PRDM10: variants seen among roughly 807,000 people sequenced by gnomAD.
PRDM10 encodes PR/SET domain 10.
Under a neutral mutation model 133.1 loss-of-function variants are expected in PRDM10, and 65 were observed. The ratio of observed to expected loss-of-function variants is 0.49; its 90% CI spans 0.40 to 0.60. PRDM10 has a LOEUF of 0.60. PRDM10 is among the 20% of genes least tolerant of loss of function. The pLI is 0.00. For synonymous variants in PRDM10, 582 were observed against 580.4 expected, an observed-to-expected ratio of 1.00 and a Z score of -0.04; for missense variants, 1,137 against 1,507.1, an observed-to-expected ratio of 0.75 and a Z score of 4.07.
intron 20 of PRDM10, among the ~76,000 whole-genome samples, chr11:129,905,363 G>GGA (rs1185573767): frequency 1.4e-4 from 10 of 69,442 alleles, no homozygotes; most frequent in African/African-American, 4.2e-4. Context: ...CTCTGTCTCA[G>GGA]AAAAAAAAAA....
intron 1 of PRDM10, among the ~76,000 whole-genome samples, chr11:130,002,080 G>A (rs1939430853): frequency 6.6e-6 from 1 of 150,886 alleles, no homozygotes; most frequent in Admixed American, 6.6e-5. Context: ...AGGACCCTCC[G>A]CCCCACGCGC....
intron 9 of PRDM10, among the ~76,000 whole-genome samples, chr11:129,934,525 G>A (rs1950967496): frequency 1.3e-5 from 2 of 151,730 alleles, no homozygotes; most frequent in South Asian, 4.2e-4. Context: ...TTTTTTTCCA[G>A]GTGTTATTTT....
intron 1 of PRDM10, among the ~76,000 whole-genome samples, chr11:129,968,860 T>C (rs1267673844): frequency 1.3e-5 from 2 of 152,148 alleles, no homozygotes; most frequent in African/African-American, 4.8e-5. Context: ...GACACTGCAA[T>C]ATAGAAACAT....
chr11:129,986,929 T>C (rs942213957), intron 1 of PRDM10, among the ~76,000 whole-genome samples: 1 of 152,220 alleles, frequency 6.6e-6, no homozygotes, highest in East Asian at 1.9e-4. Flanking sequence ...ACAGTGCTCA[T>C]TGTTGTGGTT....
At position 129,946,698 on chromosome 11, in the gene PRDM10, T is replaced by A. The variant is rs1303023760; in HGVS notation, c.520+447A>T. ...GCCATGGAGGGCATAAAGGAGGTAG[T>A]AGACTCAGGGCACTCACGCCTGGGA... On this transcript the variant is annotated intron_variant, in intron 5 of 20. Transcript: ENST00000360871. Among the ~76,000 whole-genome samples, 27 of 152,264 alleles carry A rather than the reference T, an allele frequency of 1.8e-4. No homozygotes were observed. The East Asian group carries it at 5.0e-3, about 28-fold the overall frequency.
At chr11:129,946,507 C>A (rs1951416706) in intron 5 of PRDM10, among the ~76,000 whole-genome samples, 1 of 152,108 alleles carries the variant, frequency 6.6e-6, no homozygotes, top group African/African-American at 2.4e-5. Context: ...AGAAAATCCA[C>A]AGAAAGAAAC....
At chr11:129,955,675 T>C in intron 3 of PRDM10, 104 bp from the exon 4 acceptor site, 1 of 966,966 alleles carries the variant, frequency 1.0e-6, no homozygotes, top group Non-Finnish European at 1.6e-6. Flanking sequence ...AAAAGTTAAC[T>C]CCCATTTTAG....
chr11:129,949,108 T>C (rs1032343913), intron 4 of PRDM10, among the ~76,000 whole-genome samples: 1 of 152,230 alleles, frequency 6.6e-6, no homozygotes, highest in African/African-American at 2.4e-5. Flanking sequence ...CAGCTTTGCA[T>C]CCATTGCCAA....
intron 15 of PRDM10, 51 bp from the exon 16 acceptor site, chr11:129,915,911 T>G (rs765243610): frequency 6.6e-7 from 1 of 1,519,628 alleles, no homozygotes; most frequent in East Asian, 2.3e-5. Context: ...TCCACTTTCT[T>G]GCTTAAAGCA....
At chr11:129,950,216 A>G (rs895337021) in intron 4 of PRDM10, among the ~76,000 whole-genome samples, 2 of 152,128 alleles carry the variant, frequency 1.3e-5, no homozygotes, top group Non-Finnish European at 2.9e-5. Flanking sequence ...TGGGTGACAC[A>G]GCAAGGCCCT....
chr11:129,906,908 G>A (rs1196040167), intron 19 of PRDM10, among the ~76,000 whole-genome samples: 1 of 151,858 alleles, frequency 6.6e-6, no homozygotes, highest in African/African-American at 2.4e-5. Flanking sequence ...AACCTGGGAG[G>A]CAGAGTTGCA....
chr11:129,950,140 C>T (rs1737850605), intron 4 of PRDM10, among the ~76,000 whole-genome samples: 1 of 151,550 alleles, frequency 6.6e-6, no homozygotes, highest in East Asian at 1.9e-4. Context: ...AGGAGACTGA[C>T]ATGGGAGAAT....
chr11:129,998,098 A>G (rs1257970891), intron 1 of PRDM10, among the ~76,000 whole-genome samples: 1 of 152,244 alleles, frequency 6.6e-6, no homozygotes, highest in African/African-American at 2.4e-5. Context: ...TAATTATAAT[A>G]GTATATTGCA....
chr11:129,989,846 G>A (rs1436986343), intron 1 of PRDM10, among the ~76,000 whole-genome samples: 1 of 152,014 alleles, frequency 6.6e-6, no homozygotes, highest in Admixed American at 6.6e-5. Context: ...TTCACTCTAC[G>A]ACTCCTGAAA....
chr11:129,955,476 GTGTTA>G, intron 4 of PRDM10, 31 bp downstream of exon 4: 2 of 1,602,628 alleles, frequency 1.2e-6, no homozygotes, highest in Non-Finnish European at 1.7e-6. Flanking sequence ...GGCATTCACA[GTGTTA>G]TCCCCAAACA....
chr11:129,957,674 G>A, intron 3 of PRDM10, 72 bp downstream of exon 3: 1 of 1,531,744 alleles, frequency 6.5e-7, no homozygotes, highest in East Asian at 2.3e-5. Flanking sequence ...CACAATGACT[G>A]ACAGAAAGTA....
intron 20 of PRDM10, 49 bp downstream of exon 20, chr11:129,905,589 C>T: frequency 1.5e-6 from 2 of 1,351,024 alleles, no homozygotes; most frequent in Non-Finnish European, 2.1e-6. Flanking sequence ...AGTTACTATA[C>T]AGCACCACAG....
At chr11:129,969,931 AAAGT>A (rs1173490525) in intron 1 of PRDM10, among the ~76,000 whole-genome samples, 1 of 152,234 alleles carries the variant, frequency 6.6e-6, no homozygotes, top group Non-Finnish European at 1.5e-5. Flanking sequence ...GGTAACTAAA[AAAGT>A]AAGTGATTTT....
intron 1 of PRDM10, among the ~76,000 whole-genome samples, chr11:129,991,831 A>AG: frequency 6.6e-6 from 1 of 151,272 alleles, no homozygotes; most frequent in East Asian, 2.0e-4. Context: ...AAAAAAAAAA[A>AG]AAAGTAACCG....
Sources: gnomAD v4.1 joint callset for allele counts (sites outside exome capture counted in the v4.1 genomes callset) on GRCh38, gnomAD v4.1.1 for gene constraint, MANE v1.5 for transcripts, NCBI Gene and HGNC (gene_info 2026-07-23, HGNC 2026-07-21) for gene names.